The following FRMPD4 variants were observed in gnomAD, a reference collection of about 807,000 sequenced individuals.
The protein encoded by FRMPD4 is FERM and PDZ domain-containing protein 4.
Under a neutral mutation model 94.1 loss-of-function variants are expected in FRMPD4, and 22 were observed. The ratio of observed to expected loss-of-function variants is 0.23; its 90% confidence interval spans 0.17 to 0.33. The LOEUF is 0.33. FRMPD4 is among the 10% of genes least tolerant of loss of function. FRMPD4 has a pLI of 1.00. For synonymous variants in FRMPD4, 631 were observed against 548.6 expected, an observed-to-expected ratio of 1.15 and a Z score of -2.10; for missense variants, 1,111 against 1,339.9, an observed-to-expected ratio of 0.83 and a Z score of 2.67.
chrX:12,119,697 T>A (rs753279355), intron 3 of FRMPD4, among the ~76,000 whole-genome samples: 14 of 112,799 alleles, frequency 1.2e-4, no homozygotes, highest in Non-Finnish European at 2.2e-4. Context: ...GAAGCAGGGA[T>A]ATATTCAATT....
chrX:12,684,303 G>A (rs758279301), intron 6 of FRMPD4, among the ~76,000 whole-genome samples: 28 of 112,366 alleles, frequency 2.5e-4, no homozygotes, highest in Admixed American at 1.5e-3. Context: ...ATGCCAGAGC[G>A]TTGGTGTTCT....
chrX:11,871,296 A>G (rs2053755146), intron 2 of FRMPD4, among the ~76,000 whole-genome samples: 1 of 111,931 alleles, frequency 8.9e-6, no homozygotes, highest in Admixed American at 9.5e-5. Flanking sequence ...ACTTGCACTC[A>G]GATCCTTATC....
Position 12,724,292 on chromosome X carries a change from TATAA to T in FRMPD4, c.*2440_*2443del, listed in dbSNP as rs1356823666. 3 of 111,697 alleles carry T rather than the reference TATAA, an allele frequency of 2.7e-5. No homozygotes were observed. Among genetic ancestry groups the T allele is most frequent in the African/African-American group, 9.8e-5 (3 of 30,748 alleles). 9.2% of individuals were successfully genotyped at this position (111,697 alleles called of 1,213,427 possible). Reference sequence around the variant, plus strand: ...ACTGCGCCAGTAAGTTTCTGTTTCTTATAAATAAACTCTTTGCTATTCAGAAAAC... The same window carrying T: ...ACTGCGCCAGTAAGTTTCTGTTTCTTATAAACTCTTTGCTATTCAGAAAAC... On this transcript the variant is annotated 3_prime_UTR_variant, in exon 17 of 17. Transcript: ENST00000675598.
intron 2 of FRMPD4, among the ~76,000 whole-genome samples, chrX:12,589,987 A>G (rs1351694917): frequency 4.5e-5 from 5 of 112,307 alleles, no homozygotes; most frequent in Non-Finnish European, 9.4e-5. Context: ...ATATGAGACT[A>G]TCTATAATTA....
At chrX:12,686,248 C>A in intron 7 of FRMPD4, 44 bp downstream of exon 7, 1 of 635,549 alleles carries the variant, frequency 1.6e-6, no homozygotes, top group Non-Finnish European at 2.6e-6. Context: ...CTTTCAGGTA[C>A]AACATGCAGG....
rs192322801 is a variant in FRMPD4, at chrX:12,121,313, A to T, written c.95+243295A>T. 6.7e-3 allele frequency among the ~76,000 whole-genome samples: 737 copies of T among 109,727 alleles called. 4 individuals carry two copies. Among genetic ancestry groups the T allele is most frequent in the Non-Finnish European group, 0.011 (562 of 52,544 alleles). On this transcript the variant is annotated intron_variant, in intron 3 of 18. Coordinates refer to the FRMPD4 transcript ENST00000640291. ...GTAAAACAGTGCCACTTTTCTCACA[A>T]TTTTTTTTTGAAATATATTTTATTA... is the stretch of plus-strand genomic sequence containing the variant.
intron 1 of FRMPD4, among the ~76,000 whole-genome samples, chrX:12,388,850 T>TATATATATATATACAC (rs1491368741): frequency 6.5e-4 from 48 of 73,446 alleles, no homozygotes; most frequent in African/African-American, 3.1e-3. Context: ...TATATATATA[T>TATATATATATATACAC]ACACACAATG....
chrX:12,027,100 A>G (rs1320316078), intron 3 of FRMPD4, among the ~76,000 whole-genome samples: 4 of 112,282 alleles, frequency 3.6e-5, no homozygotes, highest in African/African-American at 1.3e-4. Flanking sequence ...TTTGATTGTT[A>G]AAAAGATGAA....
At chrX:12,634,824 CTTTTTTTTTTT>C (rs780126204) in intron 4 of FRMPD4, among the ~76,000 whole-genome samples, 2 of 52,216 alleles carry the variant, frequency 3.8e-5, no homozygotes, top group Non-Finnish European at 6.7e-5. Context: ...GTCCATCTCT[CTTTTTTTTTTT>C]TTTTTTTTTT....
At chrX:11,896,559 C>T (rs2053905237) in intron 3 of FRMPD4, among the ~76,000 whole-genome samples, 2 of 112,052 alleles carry the variant, frequency 1.8e-5, no homozygotes, top group Non-Finnish European at 3.8e-5. Context: ...CATTAGACAC[C>T]AAATCTGCTG....
intron 1 of FRMPD4, among the ~76,000 whole-genome samples, chrX:12,176,440 T>C (rs1034327181): frequency 4.5e-5 from 5 of 112,010 alleles, no homozygotes; most frequent in African/African-American, 1.6e-4. Flanking sequence ...AAGAATTTTA[T>C]TGTGGCCGTA....
At chrX:12,307,516 A>C (rs889494262) in intron 1 of FRMPD4, among the ~76,000 whole-genome samples, 1 of 111,981 alleles carries the variant, frequency 8.9e-6, no homozygotes, top group African/African-American at 3.2e-5. Context: ...ATATATATGA[A>C]GTTCAAAAAC....
intron 3 of FRMPD4, among the ~76,000 whole-genome samples, chrX:12,066,720 A>T (rs1303355773): frequency 9.1e-6 from 1 of 109,844 alleles, no homozygotes; most frequent in Non-Finnish European, 1.9e-5. Context: ...CTAAAAAAAA[A>T]TCTGGATGGT....
At chrX:12,268,515 A>G (rs1161687617) in intron 1 of FRMPD4, among the ~76,000 whole-genome samples, 2 of 112,143 alleles carry the variant, frequency 1.8e-5, no homozygotes, top group Admixed American at 9.4e-5. Context: ...TTAACCTCTT[A>G]GGATGATTTT....
At position 12,479,663 on chromosome X, in the gene FRMPD4, AT is replaced by A. The variant is rs771617935; in HGVS notation, c.42-19007del. 3.3e-3 allele frequency among the ~76,000 whole-genome samples: 346 copies of A among 104,448 alleles called. 1 individual carries two copies. Among genetic ancestry groups the A allele is most frequent in the African/African-American group, 0.011 (319 of 28,825 alleles). 90.7% of individuals were successfully genotyped at this position (104,448 alleles called of 115,157 possible). On this transcript the variant is annotated intron_variant, in intron 1 of 16. Transcript: ENST00000675598. The stretch of plus-strand genomic sequence containing the variant: ...ACTACAGTTGCGCCATGCCTGGCTA[AT>A]TTTTTTTTTATTTTTTGTAGAGATA...
At chrX:12,093,153 A>G (rs1023036594) in intron 3 of FRMPD4, among the ~76,000 whole-genome samples, 2 of 111,469 alleles carry the variant, frequency 1.8e-5, no homozygotes. Flanking sequence ...AACTGCCCAG[A>G]CAGTACAGTG....
chrX:11,984,611 G>A (rs2054417099), intron 3 of FRMPD4, among the ~76,000 whole-genome samples: 1 of 112,233 alleles, frequency 8.9e-6, no homozygotes, highest in Non-Finnish European at 1.9e-5. Context: ...GATGGTTATG[G>A]TGTTGGCTAT....
At chrX:12,284,838 T>C in intron 1 of FRMPD4, among the ~76,000 whole-genome samples, 1 of 112,198 alleles carries the variant, frequency 8.9e-6, no homozygotes, top group Non-Finnish European at 1.9e-5. Flanking sequence ...TTTCTAATTC[T>C]GCCTCTGCCT....
intron 1 of FRMPD4, among the ~76,000 whole-genome samples, chrX:12,351,850 A>G (rs943014412): frequency 8.9e-6 from 1 of 112,893 alleles, no homozygotes; most frequent in Admixed American, 9.4e-5. Flanking sequence ...TCTCAATGTT[A>G]TAGAATTCTA....
Sources: gnomAD v4.1 joint callset for allele counts (sites outside exome capture counted in the v4.1 genomes callset) on GRCh38, gnomAD v4.1.1 for gene constraint, MANE v1.5 for transcripts, NCBI Gene and HGNC (gene_info 2026-07-23, HGNC 2026-07-21) for gene names.